Variants in ENTPD3 observed in about 807,000 individuals in gnomAD.
ENTPD3 encodes the protein CD39 antigen-like 3.
In ENTPD3, 60 loss-of-function variants were observed where a neutral mutation model predicts 51.2. The observed-to-expected ratio is 1.17, with a 90% CI of 0.95 to 1.45. The LOEUF (loss-of-function observed/expected upper bound fraction) is 1.45. Ranked by LOEUF, ENTPD3 falls within the 40% of genes most tolerant of loss-of-function variation. ENTPD3 has a pLI of 0.00. For synonymous variants in ENTPD3, 221 were observed against 238.4 expected (o/e 0.93, Z 0.67); for missense variants, 593 against 641.1 (o/e 0.93, Z 0.81).
At chr3:40,394,143 C>T (rs1291885390) in intron 3 of ENTPD3, among the ~76,000 whole-genome samples, 1 of 149,802 alleles carries the variant, frequency 6.7e-6, no homozygotes, top group Non-Finnish European at 1.5e-5. Context: ...GAGACGGAGT[C>T]GTGCTCCGTC....
intron 3 of ENTPD3, among the ~76,000 whole-genome samples, chr3:40,392,765 G>A (rs1020999771): frequency 4.6e-5 from 7 of 151,950 alleles, no homozygotes; most frequent in Admixed American, 4.6e-4. Flanking sequence ...AGACCAACCT[G>A]GGCAATATAG....
chr3:40,413,356 C>T (rs1048942150), intron 5 of ENTPD3, among the ~76,000 whole-genome samples: 4 of 152,172 alleles, frequency 2.6e-5, no homozygotes, highest in Non-Finnish European at 4.4e-5. Context: ...CTGAGCAATA[C>T]CAACAATATG....
At chr3:40,398,096 G>A (rs114093687) in intron 3 of ENTPD3, among the ~76,000 whole-genome samples, 537 of 152,270 alleles carry the variant, frequency 3.5e-3, no homozygotes, top group African/African-American at 0.012. Context: ...TGAGTCGGTA[G>A]AGGTGGGCCT....
At chr3:40,400,094 A>C (rs983970502) in intron 3 of ENTPD3, among the ~76,000 whole-genome samples, 2 of 151,738 alleles carry the variant, frequency 1.3e-5, no homozygotes, top group African/African-American at 2.4e-5. Context: ...GTGAAACCTT[A>C]TCTCTACTAA....
intron 4 of ENTPD3, among the ~76,000 whole-genome samples, chr3:40,402,659 G>A (rs979999041): frequency 6.6e-6 from 1 of 151,964 alleles, no homozygotes; most frequent in African/African-American, 2.4e-5. Flanking sequence ...CTCACAGTTT[G>A]TAGTTTGTCT....
Position 40,408,115 on chromosome 3 carries a change from G to A in ENTPD3, c.287-3697G>A, listed in dbSNP as rs1343625059. 2.6e-5 allele frequency among the ~76,000 whole-genome samples: 4 copies of A among 151,992 alleles called. 1 individual carries two copies. The highest frequency in any genetic ancestry group is 4.4e-5 in the Non-Finnish European group (3 of 67,952). Reference sequence around the variant, plus strand: ...TAAATAAATGGCAAGATAAAAGGGGGGCAGGAAAACTGTTACAGAATGAGA... The same window carrying A: ...TAAATAAATGGCAAGATAAAAGGGGAGCAGGAAAACTGTTACAGAATGAGA... On this transcript the variant is annotated intron_variant, in intron 4 of 10. Coordinates refer to ENST00000301825, the MANE Select transcript of ENTPD3 (RefSeq NM_001248.4).
At chr3:40,398,590 G>A (rs1429688816) in intron 3 of ENTPD3, among the ~76,000 whole-genome samples, 3 of 152,186 alleles carry the variant, frequency 2.0e-5, no homozygotes, top group East Asian at 1.9e-4. Context: ...GGGATGTCAG[G>A]TCAGGATCCT....
chr3:40,423,793 T>A (rs1178576722), intron 9 of ENTPD3, 33 bp from the exon 10 acceptor site: 1 of 1,609,394 alleles, frequency 6.2e-7, no homozygotes, highest in South Asian at 1.1e-5. Context: ...CATACCTGCC[T>A]GCCCTGCCTC....
At chr3:40,421,631 T>C (rs55665133) in intron 7 of ENTPD3, among the ~76,000 whole-genome samples, 17,141 of 152,156 alleles carry the variant, frequency 0.11, 2,598 homozygotes, top group African/African-American at 0.34. Context: ...CTAGATGATA[T>C]TCCTTAAATA....
At chr3:40,395,542 G>A (rs993507185) in intron 3 of ENTPD3, among the ~76,000 whole-genome samples, 13 of 152,188 alleles carry the variant, frequency 8.5e-5, no homozygotes, top group Admixed American at 7.9e-4. Flanking sequence ...GCAGCAGGTC[G>A]GCACTGTGGG....
At chr3:40,415,272 A>G (rs1394337993) in intron 6 of ENTPD3, among the ~76,000 whole-genome samples, 2 of 152,244 alleles carry the variant, frequency 1.3e-5, no homozygotes, top group Middle Eastern at 3.4e-3. Context: ...GTCTCCTCAC[A>G]GTCCAATCCC....
intron 10 of ENTPD3, among the ~76,000 whole-genome samples, chr3:40,426,107 C>CTTTTTTTTT (rs35267876): frequency 1.8e-5 from 2 of 112,446 alleles, no homozygotes; most frequent in Non-Finnish European, 3.5e-5. Context: ...TTTTTCTTTT[C>CTTTTTTTTT]TTTTTTTTTT....
chr3:40,409,721 G>T, intron 4 of ENTPD3, among the ~76,000 whole-genome samples: 1 of 152,134 alleles, frequency 6.6e-6, no homozygotes, highest in East Asian at 1.9e-4. Context: ...CCTATACTTT[G>T]TCTTCCTTAA....
intron 4 of ENTPD3, among the ~76,000 whole-genome samples, chr3:40,401,464 T>C (rs2125594040): frequency 6.6e-6 from 1 of 152,260 alleles, no homozygotes; most frequent in East Asian, 1.9e-4. Context: ...GGTTCTGTCA[T>C]AGGAAAGGAA....
At chr3:40,411,787 C>T (rs1233580078) in intron 4 of ENTPD3, 25 bp from the exon 5 acceptor site, 1 of 1,554,810 alleles carries the variant, frequency 6.4e-7, no homozygotes, top group Non-Finnish European at 8.7e-7. Context: ...GAAATGCTGA[C>T]AGATGCTGAC....
intron 7 of ENTPD3, among the ~76,000 whole-genome samples, chr3:40,418,250 G>C (rs533815209): frequency 1.3e-5 from 2 of 152,286 alleles, no homozygotes; most frequent in South Asian, 4.2e-4. Context: ...TCTGACTCAT[G>C]CAAGAGGAGA....
At chr3:40,405,989 A>C (rs977659099) in intron 4 of ENTPD3, among the ~76,000 whole-genome samples, 5 of 152,212 alleles carry the variant, frequency 3.3e-5, no homozygotes, top group African/African-American at 1.2e-4. Flanking sequence ...TAAACAATAT[A>C]TACAAAATCT....
intron 3 of ENTPD3, among the ~76,000 whole-genome samples, chr3:40,400,036 G>A (rs1317429081): frequency 1.3e-5 from 2 of 152,004 alleles, no homozygotes; most frequent in African/African-American, 2.4e-5. Context: ...AGGCCGAGGC[G>A]GGTGGATCAC....
At chr3:40,412,087 T>C (rs1164391555) in intron 5 of ENTPD3, 125 bp downstream of exon 5, 3 of 989,132 alleles carry the variant, frequency 3.0e-6, no homozygotes, top group African/African-American at 3.4e-5. Context: ...GCCCACATTC[T>C]GCCATAAATT....
Sources: gnomAD v4.1 joint callset for allele counts (sites outside exome capture counted in the v4.1 genomes callset) on GRCh38, gnomAD v4.1.1 for gene constraint, MANE v1.5 for transcripts, NCBI Gene and HGNC (gene_info 2026-07-23, HGNC 2026-07-21) for gene names.